The following PLCH1 variants were observed in gnomAD, a reference collection of about 807,000 sequenced individuals.
PLCH1 encodes phospholipase C eta 1.
Under a neutral mutation model 126.7 loss-of-function variants are expected in PLCH1, and 60 were observed. The ratio of observed to expected loss-of-function variants is 0.47; its 90% CI spans 0.38 to 0.59. The LOEUF is 0.59. Among genes scored for constraint, PLCH1 ranks in the 20% least tolerant of loss-of-function variants. PLCH1 has a pLI of 0.00. For synonymous variants in PLCH1, 719 were observed against 734.9 expected (o/e 0.98, Z 0.35); for missense variants, 1,723 against 2,040.0 (o/e 0.84, Z 2.99).
At chr3:155,675,435 G>A (rs950573573) in intron 2 of PLCH1, among the ~76,000 whole-genome samples, 2 of 152,208 alleles carry the variant, frequency 1.3e-5, no homozygotes, top group Non-Finnish European at 2.9e-5. Context: ...CTGACAGGCT[G>A]TAAGAACATG....
chr3:155,498,307 A>C (rs918747193), intron 14 of PLCH1, among the ~76,000 whole-genome samples: 3 of 152,340 alleles, frequency 2.0e-5, no homozygotes, highest in African/African-American at 7.2e-5. Flanking sequence ...AAAAGGTGAA[A>C]ATGTTTGACT....
chr3:155,546,736 A>T (rs1256880071), intron 10 of PLCH1, among the ~76,000 whole-genome samples: 1 of 149,484 alleles, frequency 6.7e-6, no homozygotes, highest in Admixed American at 6.7e-5. Flanking sequence ...ATAACGCCCC[A>T]TGTCTACAAC....
intron 1 of PLCH1, among the ~76,000 whole-genome samples, chr3:155,717,135 C>T (rs1319344336): frequency 3.9e-5 from 6 of 152,270 alleles, no homozygotes; most frequent in Non-Finnish European, 8.8e-5. Context: ...CCATGACCCA[C>T]ATTCAGGGAA....
intron 2 of PLCH1, among the ~76,000 whole-genome samples, chr3:155,635,416 G>C (rs192285661): frequency 8.5e-5 from 13 of 152,298 alleles, no homozygotes; most frequent in Non-Finnish European, 1.0e-4. Flanking sequence ...AGCCTCCAAT[G>C]GTTACTGATG....
At chr3:155,712,537 A>G (rs1747200309) in intron 1 of PLCH1, among the ~76,000 whole-genome samples, 1 of 151,260 alleles carries the variant, frequency 6.6e-6, no homozygotes, top group South Asian at 2.1e-4. Context: ...AATCAGAATT[A>G]TAATACTGTG....
intron 1 of PLCH1, among the ~76,000 whole-genome samples, chr3:155,736,317 GA>G (rs1197291399): frequency 2.0e-5 from 3 of 152,192 alleles, no homozygotes; most frequent in Non-Finnish European, 4.4e-5. Flanking sequence ...TTTAAAAGGA[GA>G]AAAGTTGTGG....
At chr3:155,741,667 T>A (rs1749627748) in intron 1 of PLCH1, among the ~76,000 whole-genome samples, 1 of 145,710 alleles carries the variant, frequency 6.9e-6, no homozygotes, top group Non-Finnish European at 1.5e-5. Flanking sequence ...TATCCTTTTA[T>A]CATAATTTTA....
chr3:155,648,412 G>A lies in PLCH1; in HGVS notation c.80-52034C>T, dbSNP rs553553754. Among the ~76,000 whole-genome samples, 52 of 152,238 alleles carry A rather than the reference G, an allele frequency of 3.4e-4. 1 individual carries two copies. The highest frequency in any genetic ancestry group is 1.0e-3 in the Admixed American group (16 of 15,302). On this transcript the variant is annotated intron_variant, in intron 2 of 22. Transcript: ENST00000460012. Reference sequence around the variant, plus strand: ...CCATTTATAGCCTCAGTATGTTTACGAGCTTCTGGTCTTGACGTCCTCCCT... The same window carrying A: ...CCATTTATAGCCTCAGTATGTTTACAAGCTTCTGGTCTTGACGTCCTCCCT...
intron 21 of PLCH1, among the ~76,000 whole-genome samples, chr3:155,454,812 T>C (rs902503619): frequency 1.1e-4 from 16 of 152,220 alleles, no homozygotes; most frequent in Admixed American, 6.5e-4. Context: ...GTAGTTTTCC[T>C]CTGCTATACC....
chr3:155,522,701 T>A (rs1721261288), intron 11 of PLCH1, among the ~76,000 whole-genome samples: 1 of 99,800 alleles, frequency 1.0e-5, no homozygotes, highest in South Asian at 4.0e-4. Flanking sequence ...TTATACAAAA[T>A]TTCTCTCTCT....
chr3:155,481,779 A>G lies in PLCH1; in HGVS notation c.4247T>C (p.Ile1416Thr), dbSNP rs1224369722. ...RPSVPEIFNNIQDVKTQSISY... is the reference protein window; with the variant it reads ...RPSVPEIFNNTQDVKTQSISY... The stretch of plus-strand genomic sequence containing the variant: ...AATACTTTGAGTTTTGACATCTTGA[A>G]TATTGTTGAATATTTCAGGGACAGA... Residue 1416 changes from isoleucine to threonine, a missense_variant, in exon 23 of 23, where the codon ATT becomes ACT. Coordinates refer to ENST00000460012, the MANE Select transcript of PLCH1 (RefSeq NM_014996.4). This position sits in a 1 kb window ranked among gnomAD's most constrained non-coding sequence, Gnocchi z 4.2. The G allele has an allele frequency of 6.2e-7, 1 of 1,614,162 alleles. No homozygotes were observed. The highest frequency in any genetic ancestry group is 1.7e-5 in the Admixed American group (1 of 60,020).
At chr3:155,495,463 T>C (rs1716906005) in intron 15 of PLCH1, among the ~76,000 whole-genome samples, 1 of 152,342 alleles carries the variant, frequency 6.6e-6, no homozygotes, top group African/African-American at 2.4e-5. Flanking sequence ...TTGAACATGC[T>C]GGAAAAGACC....
At chr3:155,538,945 C>CA (rs56251794) in intron 10 of PLCH1, among the ~76,000 whole-genome samples, 116,613 of 146,530 alleles carry the variant, frequency 0.8, 47,840 homozygotes, top group Middle Eastern at 0.93. Context: ...AAGGACATAA[C>CA]AAAAAAAAAA....
rs185747152 is a variant in PLCH1, at chr3:155,455,099, T to A, written c.2938+30257A>T. On this transcript the variant is annotated intron_variant, in intron 21 of 21. Transcript: ENST00000494598. ...TTCTAATTTACAATACTATTATGTGTTAATATAATTAATACCCATAAATAG... is the reference window on the plus strand; with the variant it reads ...TTCTAATTTACAATACTATTATGTGATAATATAATTAATACCCATAAATAG... Among the ~76,000 whole-genome samples the A allele has an allele frequency of 5.4e-4, 83 of 152,318 alleles. 1 individual carries two copies. The highest frequency in any genetic ancestry group is 1.9e-3 in the African/African-American group (80 of 41,568).
chr3:155,738,052 C>T (rs896498100), intron 1 of PLCH1, among the ~76,000 whole-genome samples: 1 of 152,154 alleles, frequency 6.6e-6, no homozygotes, highest in African/African-American at 2.4e-5. Context: ...CATCCAGTGG[C>T]AATTGACCGG....
intron 12 of PLCH1, 78 bp from the exon 13 acceptor site, chr3:155,504,704 G>A: frequency 1.1e-6 from 1 of 937,156 alleles, no homozygotes; most frequent in Non-Finnish European, 1.7e-6. Context: ...GGAATAGCAA[G>A]GGGGCCCTCT....
intron 2 of PLCH1, among the ~76,000 whole-genome samples, chr3:155,702,902 C>T (rs370591210): frequency 3.7e-4 from 56 of 152,278 alleles, no homozygotes; most frequent in African/African-American, 1.3e-3. Flanking sequence ...CAACGCAGAA[C>T]CTCAGTGCCA....
chr3:155,684,067 AG>A (rs1259393628), intron 2 of PLCH1, among the ~76,000 whole-genome samples: 1 of 152,222 alleles, frequency 6.6e-6, no homozygotes, highest in African/African-American at 2.4e-5. Flanking sequence ...GTCTAATAAA[AG>A]GTAAATGATA....
chr3:155,486,233 C>A (rs1715064333), intron 21 of PLCH1: 1 of 1,451,986 alleles, frequency 6.9e-7, no homozygotes, highest in Non-Finnish European at 9.4e-7. Context: ...CAAAACACAA[C>A]AAAACACAAT....
Sources: allele counts gnomAD v4.1 joint callset (sites outside exome capture counted in the v4.1 genomes callset), GRCh38; gene constraint gnomAD v4.1.1; non-coding constraint Gnocchi (gnomAD v3.1); transcripts MANE v1.5; gene names NCBI Gene and HGNC (gene_info 2026-07-23, HGNC 2026-07-21).